Variants in PLCB4 observed in about 807,000 individuals in gnomAD.
PLCB4 encodes 1-phosphatidylinositol 4,5-bisphosphate phosphodiesterase beta-4.
A neutral mutation model predicts 178.8 loss-of-function variants in PLCB4; 77 were observed. The ratio of observed to expected loss-of-function variants is 0.43; its 90% confidence interval spans 0.36 to 0.52. PLCB4 has a LOEUF of 0.52. PLCB4 is among the 20% of genes least tolerant of loss of function. The pLI, the probability that PLCB4 is intolerant of heterozygous loss-of-function variation, is 0.00. For synonymous variants in PLCB4, 496 were observed against 490.8 expected (o/e 1.01, Z -0.14); for missense variants, 1,024 against 1,453.4 (o/e 0.70, Z 4.80).
chr20:9,231,830 T>G (rs1305349626), intron 3 of PLCB4, among the ~76,000 whole-genome samples: 2 of 152,130 alleles, frequency 1.3e-5, no homozygotes, highest in Non-Finnish European at 2.9e-5. Flanking sequence ...AAAACTTACA[T>G]CCACACAAAG....
intron 3 of PLCB4, among the ~76,000 whole-genome samples, chr20:9,257,321 T>G (rs2094246729): frequency 6.6e-6 from 1 of 152,200 alleles, no homozygotes; most frequent in Admixed American, 6.5e-5. Flanking sequence ...GTGAGAATAG[T>G]GTGAAAATAA....
chr20:9,377,634 C>T (rs971451813), intron 12 of PLCB4, among the ~76,000 whole-genome samples: 1 of 152,106 alleles, frequency 6.6e-6, no homozygotes, highest in African/African-American at 2.4e-5. Flanking sequence ...TGCTTATTTG[C>T]TGCGAATGTA....
rs141723825 is a variant in PLCB4 at position 9,238,409 on chromosome 20, C to G, written c.-16+20957C>G. ...TGTGGAGGAGGAAGTGGAGTTGACC[C>G]CCCCCCGAGGGACACCTTATCCATA... On this transcript the variant is annotated intron_variant, in intron 3 of 39. Coordinates refer to ENST00000378473, the MANE Select transcript of PLCB4 (RefSeq NM_001377142.1). 7.4e-3 allele frequency among the ~76,000 whole-genome samples: 1,127 copies of G among 152,224 alleles called. 17 individuals are homozygous for G. The highest frequency in any genetic ancestry group is 0.026 in the African/African-American group (1,079 of 41,550).
chr20:9,088,119 G>C (rs2090515147), intron 1 of PLCB4, among the ~76,000 whole-genome samples: 1 of 151,862 alleles, frequency 6.6e-6, no homozygotes, highest in South Asian at 2.1e-4. Flanking sequence ...GCAGGGAATA[G>C]AATATCAGCC....
At chr20:9,476,840 A>G (rs1448186437) in intron 39 of PLCB4, 87 bp downstream of exon 39, 1 of 861,776 alleles carries the variant, frequency 1.2e-6, no homozygotes, top group Admixed American at 1.9e-5. Context: ...TATGAGTCAC[A>G]TCTGGTCATA....
chr20:9,441,319 C>T (rs2042088384), intron 30 of PLCB4, among the ~76,000 whole-genome samples: 1 of 152,146 alleles, frequency 6.6e-6, no homozygotes, highest in South Asian at 2.1e-4. Context: ...CTTCCCACGC[C>T]TCTCCATGGA....
chr20:9,118,791 T>C (rs886370702), intron 2 of PLCB4, among the ~76,000 whole-genome samples: 18 of 152,102 alleles, frequency 1.2e-4, no homozygotes, highest in Non-Finnish European at 2.5e-4. Context: ...AGGAGTAAAA[T>C]CAAGATCCCA....
In PLCB4 at chr20:9,290,555, A is replaced by G. The variant is rs181085652; in HGVS notation, c.-15-17245A>G. 2.7e-3 allele frequency among the ~76,000 whole-genome samples: 414 copies of G among 152,290 alleles called. 1 individual carries two copies. Among genetic ancestry groups the G allele is most frequent in the African/African-American group, 9.6e-3 (399 of 41,570 alleles). On this transcript the variant is annotated intron_variant, in intron 3 of 39. Coordinates refer to ENST00000378473, the MANE Select transcript of PLCB4 (RefSeq NM_001377142.1). ...TAAAAGCACCCATCTTATGAAAGGG[A>G]CAATTATTTGAAGACTGTTGACCTT...
intron 18 of PLCB4, among the ~76,000 whole-genome samples, chr20:9,394,852 T>A (rs2038440284): frequency 6.6e-6 from 1 of 152,182 alleles, no homozygotes; most frequent in Non-Finnish European, 1.5e-5. Context: ...CCCACCAATA[T>A]CCTTAATGCT....
chr20:9,090,510 G>GTTTTT (rs1491024281), intron 1 of PLCB4, among the ~76,000 whole-genome samples: 3 of 96,324 alleles, frequency 3.1e-5, no homozygotes, highest in Non-Finnish European at 2.2e-5. Context: ...CATTTTTAGT[G>GTTTTT]TGTTTTTTTT....
chr20:9,447,800 T>C (rs1277332046), intron 32 of PLCB4, among the ~76,000 whole-genome samples: 1 of 152,240 alleles, frequency 6.6e-6, no homozygotes, highest in African/African-American at 2.4e-5. Flanking sequence ...GTAACCACTA[T>C]ACTCAGCTGC....
intron 2 of PLCB4, among the ~76,000 whole-genome samples, chr20:9,214,544 A>C (rs886272960): frequency 1.4e-5 from 2 of 146,780 alleles, no homozygotes; most frequent in Non-Finnish European, 3.0e-5. Flanking sequence ...GTGGGAAGAC[A>C]TACATAAACA....
At chr20:9,408,829 A>C (rs1021810542) in intron 23 of PLCB4, 112 bp downstream of exon 23, 25 of 714,358 alleles carry the variant, frequency 3.5e-5, no homozygotes, top group Non-Finnish European at 6.0e-5. Context: ...TCATAAAATG[A>C]TATGTGGGAA....
chr20:9,157,939 C>G (rs529532193), intron 2 of PLCB4, among the ~76,000 whole-genome samples: 1 of 152,240 alleles, frequency 6.6e-6, no homozygotes, highest in Non-Finnish European at 1.5e-5. Flanking sequence ...CTCAAACAAG[C>G]AAAACTAATT....
At chr20:9,473,820 A>G (rs1000607622) in intron 38 of PLCB4, among the ~76,000 whole-genome samples, 2 of 152,222 alleles carry the variant, frequency 1.3e-5, no homozygotes, top group Non-Finnish European at 2.9e-5. Flanking sequence ...ATCTAAAGTC[A>G]TGAGCCCCCA....
chr20:9,239,959 T>G (rs925411651), intron 3 of PLCB4, among the ~76,000 whole-genome samples: 1 of 152,220 alleles, frequency 6.6e-6, no homozygotes, highest in Non-Finnish European at 1.5e-5. Flanking sequence ...CTCTTCCATC[T>G]TCTCTTGCCT....
intron 7 of PLCB4, among the ~76,000 whole-genome samples, chr20:9,354,688 T>C (rs546404738): frequency 1.3e-5 from 2 of 152,208 alleles, no homozygotes; most frequent in Admixed American, 1.3e-4. Context: ...GATATGCAAT[T>C]TGTGTAGAAA....
intron 4 of PLCB4, among the ~76,000 whole-genome samples, chr20:9,320,886 G>C (rs997403088): frequency 5.9e-5 from 9 of 152,088 alleles, no homozygotes; most frequent in African/African-American, 2.2e-4. Context: ...CTGGGGGGAG[G>C]GTCCAGCAAT....
intron 4 of PLCB4, among the ~76,000 whole-genome samples, chr20:9,332,920 G>A (rs960150068): frequency 4.6e-5 from 7 of 152,120 alleles, no homozygotes; most frequent in South Asian, 2.1e-4. Context: ...TTCCCAGGAC[G>A]TGCCTCAAAG....
Sources: gnomAD v4.1 joint callset for allele counts (sites outside exome capture counted in the v4.1 genomes callset) on GRCh38, gnomAD v4.1.1 for gene constraint, MANE v1.5 for transcripts, NCBI Gene and HGNC (gene_info 2026-07-23, HGNC 2026-07-21) for gene names.